Variants in PTPRN2 observed in about 807,000 individuals in gnomAD.
PTPRN2 encodes protein tyrosine phosphatase receptor type N2.
Under a neutral mutation model 118.8 loss-of-function variants are expected in PTPRN2, and 74 were observed. That is an observed-to-expected ratio of 0.62 (90% CI 0.52 to 0.76). The LOEUF is 0.76. Among genes scored for constraint, PTPRN2 ranks in the 30% least tolerant of loss-of-function variants. The pLI is 0.00. For synonymous variants in PTPRN2, 641 were observed against 608.0 expected (o/e 1.05, Z -0.80); for missense variants, 1,481 against 1,394.4 (o/e 1.06, Z -0.99).
At chr7:158,095,736 G>A (rs1814578403) in intron 10 of PTPRN2, among the ~76,000 whole-genome samples, 1 of 152,202 alleles carries the variant, frequency 6.6e-6, no homozygotes, top group African/African-American at 2.4e-5. Context: ...GCGTAGGAGT[G>A]TATACTTTCT....
At position 157,591,193 on chromosome 7, in the gene PTPRN2, A is replaced by G. The variant is rs552421937; in HGVS notation, c.2496+4045T>C. On this transcript the variant is annotated intron_variant, in intron 17 of 22. Transcript: ENST00000389418. The surrounding 1 kb of genome is among the most constrained non-coding windows in gnomAD (Gnocchi z 4.4). ...TGAGGGGGACACTTCGAATCCCCCA[A>G]GGAGTGCACGGGCCTGGGGCAGACA... Among the ~76,000 whole-genome samples, 124 of 152,282 alleles carry G rather than the reference A, an allele frequency of 8.1e-4. No homozygotes were observed. Among genetic ancestry groups the G allele is most frequent in the African/African-American group, 2.9e-3 (120 of 41,578 alleles).
rs375512738 is a variant in PTPRN2, at chr7:157,994,556, A to AACC, written c.1723+86741_1723+86742insGGT. ...ACAGCTCCTTGTTCCTAAAATCAGC[A>AACC]CCGCGTCCCCAGCTTACAACTCCTT... On this transcript the variant is annotated intron_variant, in intron 11 of 22. Coordinates refer to ENST00000389418, the MANE Select transcript of PTPRN2 (RefSeq NM_002847.5). 1.8e-5 allele frequency among the ~76,000 whole-genome samples: 2 copies of AACC among 112,872 alleles called. 1 individual carries two copies. The highest frequency in any genetic ancestry group is 9.0e-5 in the African/African-American group (2 of 22,202). 74.0% of individuals were successfully genotyped at this position (112,872 alleles called of 152,430 possible).
At chr7:157,884,918 T>C (rs544014706) in intron 12 of PTPRN2, among the ~76,000 whole-genome samples, 1 of 152,310 alleles carries the variant, frequency 6.6e-6, no homozygotes, top group South Asian at 2.1e-4. Context: ...CAGCAGATGA[T>C]GGTGCTGAAG....
intron 12 of PTPRN2, among the ~76,000 whole-genome samples, chr7:157,846,892 CCTCT>C (rs113953847): frequency 0.023 from 3,463 of 149,704 alleles, 50 homozygotes; most frequent in South Asian, 0.092. Context: ...TTTACAGAGC[CCTCT>C]CTGACTCCAT....
At chr7:158,345,695 A>C (rs1807459880) in intron 2 of PTPRN2, among the ~76,000 whole-genome samples, 1 of 152,226 alleles carries the variant, frequency 6.6e-6, no homozygotes, top group Admixed American at 6.5e-5. Flanking sequence ...ACAATTGTAT[A>C]TATATATGGG....
intron 2 of PTPRN2, among the ~76,000 whole-genome samples, chr7:158,464,668 A>G (rs1490106960): frequency 6.7e-6 from 1 of 148,748 alleles, no homozygotes; most frequent in Non-Finnish European, 1.5e-5. Context: ...TACCATCACC[A>G]TCATTGCCAT....
intron 1 of PTPRN2, among the ~76,000 whole-genome samples, chr7:158,535,187 A>ATATCT (rs1270412549): frequency 6.6e-6 from 1 of 152,196 alleles, no homozygotes; most frequent in African/African-American, 2.4e-5. Flanking sequence ...TAGCAAAGGC[A>ATATCT]TATCTTGTTC....
At chr7:158,440,751 AGTG>A (rs1192726361) in intron 2 of PTPRN2, among the ~76,000 whole-genome samples, 1 of 127,550 alleles carries the variant, frequency 7.8e-6, no homozygotes, top group Non-Finnish European at 1.6e-5. Flanking sequence ...TGGTGGTGAC[AGTG>A]GTGGTGGTGA....
At chr7:158,500,706 C>G (rs151107199) in intron 1 of PTPRN2, among the ~76,000 whole-genome samples, 109 of 152,376 alleles carry the variant, frequency 7.2e-4, no homozygotes, top group Middle Eastern at 6.8e-3. Flanking sequence ...TGGGGCGCAG[C>G]AAACCAGACA....
At chr7:158,330,325 ACT>A (rs1804116014) in intron 2 of PTPRN2, among the ~76,000 whole-genome samples, 1 of 46,814 alleles carries the variant, frequency 2.1e-5, no homozygotes. Context: ...CGCAGACGTC[ACT>A]CACACCCACA....
At chr7:157,959,500 C>T (rs1447797217) in intron 11 of PTPRN2, among the ~76,000 whole-genome samples, 1 of 152,142 alleles carries the variant, frequency 6.6e-6, no homozygotes, top group Non-Finnish European at 1.5e-5. Flanking sequence ...ATATGTAAGA[C>T]TCCTACACCC....
chr7:158,149,953 AAAATAG>A (rs1235248606), intron 6 of PTPRN2, among the ~76,000 whole-genome samples: 1 of 152,230 alleles, frequency 6.6e-6, no homozygotes, highest in African/African-American at 2.4e-5. Flanking sequence ...ATGAAAAATA[AAAATAG>A]AAAGTAAGCA....
intron 19 of PTPRN2, among the ~76,000 whole-genome samples, chr7:157,573,399 C>T (rs760004628): frequency 1.1e-4 from 16 of 152,260 alleles, no homozygotes; most frequent in Non-Finnish European, 1.6e-4. Context: ...AGTTCTGCTC[C>T]TCCAGCTTCC....
At chr7:158,401,157 T>G (rs1356938610) in intron 2 of PTPRN2, among the ~76,000 whole-genome samples, 3 of 152,166 alleles carry the variant, frequency 2.0e-5, no homozygotes, top group Non-Finnish European at 4.4e-5. Flanking sequence ...CCAGGGGCTC[T>G]CCGGGTTCCT....
intron 11 of PTPRN2, among the ~76,000 whole-genome samples, chr7:157,934,248 T>G (rs1799571195): frequency 1.3e-5 from 2 of 152,232 alleles, no homozygotes; most frequent in Non-Finnish European, 2.9e-5. Context: ...TATTCTGTGG[T>G]TCTCCAGAAT....
chr7:158,071,531 C>G (rs200549636), intron 11 of PTPRN2, among the ~76,000 whole-genome samples: 11 of 80,062 alleles, frequency 1.4e-4, no homozygotes, highest in South Asian at 1.4e-3. Flanking sequence ...TGGAGATGCT[C>G]GTGATGATGG....
chr7:158,155,481 T>TCATCATCACCATCAC (rs1240672720), intron 6 of PTPRN2, among the ~76,000 whole-genome samples: 1 of 95,996 alleles, frequency 1.0e-5, no homozygotes, highest in East Asian at 3.1e-4. Flanking sequence ...ACCATCACCA[T>TCATCATCACCATCAC]CATCATCACC....
intron 10 of PTPRN2, among the ~76,000 whole-genome samples, chr7:158,096,526 G>A (rs1814634741): frequency 6.6e-6 from 1 of 152,212 alleles, no homozygotes; most frequent in Admixed American, 6.5e-5. Flanking sequence ...AATCCACAGT[G>A]GCCTTCCCTT....
chr7:157,736,090 C>T (rs1037044697), intron 12 of PTPRN2, among the ~76,000 whole-genome samples: 11 of 152,208 alleles, frequency 7.2e-5, no homozygotes, highest in African/African-American at 2.7e-4. Context: ...AGGCCGGCAC[C>T]CGCTGCCCTA....
Sources: allele counts gnomAD v4.1 joint callset (sites outside exome capture counted in the v4.1 genomes callset), GRCh38; gene constraint gnomAD v4.1.1; non-coding constraint Gnocchi (gnomAD v3.1); transcripts MANE v1.5; gene names NCBI Gene and HGNC (gene_info 2026-07-23, HGNC 2026-07-21).